The following ATOSA variants were observed in gnomAD, a reference collection of about 807,000 sequenced individuals.
ATOSA encodes the protein atos homolog A.
At chr15:52,645,967 T>TC in the ATOSA span, among the ~76,000 whole-genome samples, 1 of 152,190 alleles carries the variant, frequency 6.6e-6, no homozygotes, top group Non-Finnish European at 1.5e-5. Flanking sequence ...GCTGTTTTTT[T>TC]CCCCCAGCTT....
At chr15:52,694,137 C>CGT in the ATOSA span, among the ~76,000 whole-genome samples, 82 of 147,356 alleles carry the variant, frequency 5.6e-4, no homozygotes, top group African/African-American at 1.7e-3. Context: ...TGTGTGTGTG[C>CGT]GTGTGTGTGT....
the ATOSA span, among the ~76,000 whole-genome samples, chr15:52,616,163 T>C: frequency 1.3e-5 from 2 of 152,308 alleles, 1 homozygote; most frequent in South Asian, 4.1e-4. Context: ...TAGCAGTCTA[T>C]GTTATAAGAG....
the ATOSA span, chr15:52,609,784 A>G: frequency 6.2e-7 from 1 of 1,613,234 alleles, no homozygotes; most frequent in Non-Finnish European, 8.5e-7. Context: ...ATGTTGGGCA[A>G]TTCTTGCAAT....
chr15:52,697,596 A>G, the ATOSA span, among the ~76,000 whole-genome samples: 1 of 152,246 alleles, frequency 6.6e-6, no homozygotes, highest in Non-Finnish European at 1.5e-5. Flanking sequence ...GTTTTCTTAT[A>G]ACCTTTAGGT....
At chr15:52,707,955 C>T in the ATOSA span, among the ~76,000 whole-genome samples, 1 of 152,090 alleles carries the variant, frequency 6.6e-6, no homozygotes, top group Non-Finnish European at 1.5e-5. Context: ...CAGGAAAATC[C>T]CAGTCTCAAA....
the ATOSA span, among the ~76,000 whole-genome samples, chr15:52,674,312 A>G: frequency 1.2e-4 from 19 of 152,112 alleles, no homozygotes; most frequent in Admixed American, 1.2e-3. Flanking sequence ...CGGGCTCCCA[A>G]AGTGCTGGGA....
chr15:52,706,465 C>T, the ATOSA span, among the ~76,000 whole-genome samples: 1 of 152,054 alleles, frequency 6.6e-6, no homozygotes, highest in Non-Finnish European at 1.5e-5. Flanking sequence ...CAAATGAATG[C>T]AATGATGTTG....
chr15:52,635,400 A>G, the ATOSA span, among the ~76,000 whole-genome samples: 1 of 152,226 alleles, frequency 6.6e-6, no homozygotes, highest in Non-Finnish European at 1.5e-5. Flanking sequence ...CAATAAATTC[A>G]AAAGAATTTA....
At chr15:52,686,330 G>A in the ATOSA span, among the ~76,000 whole-genome samples, 1 of 152,202 alleles carries the variant, frequency 6.6e-6, no homozygotes, top group African/African-American at 2.4e-5. Context: ...GATATAAACA[G>A]CAGCAGTGAT....
chr15:52,668,049 C>T, the ATOSA span, among the ~76,000 whole-genome samples: 9 of 152,308 alleles, frequency 5.9e-5, no homozygotes, highest in South Asian at 2.1e-4. Flanking sequence ...CCAGCAGTTC[C>T]GCTACTGGGC....
chr15:52,695,565 G>A, the ATOSA span, among the ~76,000 whole-genome samples: 15 of 152,266 alleles, frequency 9.9e-5, no homozygotes, highest in Admixed American at 2.6e-4. Context: ...TGTTGTCGAC[G>A]TTTGGAACAG....
chr15:52,706,948 A>T, the ATOSA span, among the ~76,000 whole-genome samples: 2 of 152,144 alleles, frequency 1.3e-5, no homozygotes, highest in African/African-American at 4.8e-5. Flanking sequence ...GGGTGCTGAA[A>T]TGTCCTAAAA....
At chr15:52,691,803 C>A in the ATOSA span, among the ~76,000 whole-genome samples, 1 of 151,802 alleles carries the variant, frequency 6.6e-6, no homozygotes, top group Non-Finnish European at 1.5e-5. Flanking sequence ...CCACTGTATT[C>A]CAGCCTGGGA....
At chr15:52,588,020 G>A in the ATOSA span, among the ~76,000 whole-genome samples, 1 of 152,178 alleles carries the variant, frequency 6.6e-6, no homozygotes, top group East Asian at 1.9e-4. Context: ...TTGAGTCAAG[G>A]TTAAAGCTAA....
chr15:52,672,172 C>CAAA, the ATOSA span, among the ~76,000 whole-genome samples: 21 of 62,584 alleles, frequency 3.4e-4, no homozygotes, highest in African/African-American at 1.2e-3. Context: ...CCCCATTTCT[C>CAAA]AAAAAAAAAA....
the ATOSA span, among the ~76,000 whole-genome samples, chr15:52,619,773 G>C: frequency 6.6e-6 from 1 of 151,862 alleles, no homozygotes; most frequent in Non-Finnish European, 1.5e-5. Flanking sequence ...GTAGGTTGCA[G>C]TGAACTGAGA....
chr15:52,689,527 G>A, the ATOSA span, among the ~76,000 whole-genome samples: 1 of 152,174 alleles, frequency 6.6e-6, no homozygotes, highest in Non-Finnish European at 1.5e-5. Context: ...CCTGGTAATT[G>A]CCTTTAATAG....
the ATOSA span, among the ~76,000 whole-genome samples, chr15:52,583,731 A>AT: frequency 6.6e-6 from 1 of 152,098 alleles, no homozygotes; most frequent in Non-Finnish European, 1.5e-5. Flanking sequence ...TTTTTCATAG[A>AT]TTTTTCATTC....
the ATOSA span, chr15:52,608,577 T>C: frequency 1.9e-6 from 3 of 1,572,214 alleles, no homozygotes; most frequent in South Asian, 1.2e-5. Context: ...CCAATACCTC[T>C]GTATTTTTTG....
Sources: allele counts gnomAD v4.1 joint callset (sites outside exome capture counted in the v4.1 genomes callset), GRCh38; gene constraint gnomAD v4.1.1; transcripts MANE v1.5; gene names NCBI Gene and HGNC (gene_info 2026-07-23, HGNC 2026-07-21).